ARHGAP29: variants seen among roughly 807,000 people sequenced by gnomAD.
The protein encoded by ARHGAP29 is rho GTPase-activating protein 29.
ARHGAP29 carries 43 observed loss-of-function variants against 122.6 expected under a neutral mutation model. The ratio of observed to expected loss-of-function variants is 0.35; its 90% CI spans 0.27 to 0.45. ARHGAP29 has a LOEUF of 0.45. ARHGAP29 is among the 20% of genes least tolerant of loss of function. The pLI is 1.00. For missense variants in ARHGAP29, 1,303 were observed against 1,477.2 expected (o/e 0.88, Z 1.93); for synonymous variants, 506 against 497.1 (o/e 1.02, Z -0.24).
At chr1:94,276,757 G>A (rs1229683945), upstream of ARHGAP29, among the ~76,000 whole-genome samples, 6 of 139,014 alleles carry the variant, frequency 4.3e-5, no homozygotes, top group East Asian at 1.3e-3. Flanking sequence ...CTCCAGCCTG[G>A]GTGACAGAGT....
the ARHGAP29 span, among the ~76,000 whole-genome samples, chr1:94,312,585 C>G: frequency 0.024 from 3,619 of 151,988 alleles, 168 homozygotes; most frequent in African/African-American, 0.084. Flanking sequence ...GTGTGTGCCA[C>G]CACACCCAGC....
chr1:94,202,796 C>A lies in ARHGAP29; in HGVS notation c.955-64G>T. 1.9e-6 allele frequency: 3 copies of A among 1,565,540 alleles called. No individual in the cohort carries two copies. The South Asian group carries it at 3.6e-5, about 19-fold the overall frequency. On this transcript the variant is annotated intron_variant, in intron 10 of 22. Coordinates refer to ENST00000260526, the MANE Select transcript of ARHGAP29 (RefSeq NM_004815.4). ...AATCCTACTGAACAAGTGTCTTTAG[C>A]ATATTCAGCAAGATAGTTAAGACAA...
chr1:94,287,971 A>C, the ARHGAP29 span, among the ~76,000 whole-genome samples: 2 of 152,204 alleles, frequency 1.3e-5, no homozygotes, highest in Non-Finnish European at 2.9e-5. Context: ...ATGCGTGTAC[A>C]TGTGCCTTTA....
In ARHGAP29 at chr1:94,188,926, C is replaced by T. The variant is rs140415139; in HGVS notation, c.1592G>A (p.Arg531Lys). Reference sequence around the variant, plus strand: ...ACTAAACATCCCAAATGTCCATGATCTTATAAAGGAAGGACCTTTAATAAA... The same window carrying T: ...ACTAAACATCCCAAATGTCCATGATTTTATAAAGGAAGGACCTTTAATAAA... Reference protein sequence around the residue: ...SADITGPSFIRSWTFGMFSDS... With the variant: ...SADITGPSFIKSWTFGMFSDS... Residue 531 changes from arginine to lysine, a missense_variant, in exon 15 of 23, where the codon AGA (arginine) becomes AAA (lysine). Arg to Lys is a conservative substitution (Grantham distance 26, BLOSUM62 2). Transcript: ENST00000260526. 5.2e-5 allele frequency: 84 copies of T among 1,612,748 alleles called. No homozygotes were observed. The highest frequency in any genetic ancestry group is 6.9e-5 in the Non-Finnish European group (81 of 1,179,152).
intron 12 of ARHGAP29, chr1:94,190,853 T>G (rs908322380): frequency 3.3e-5 from 5 of 152,172 alleles, no homozygotes; most frequent in African/African-American, 1.2e-4. Flanking sequence ...TTTCTGGTAC[T>G]GAAAAATGCT....
intron 2 of ARHGAP29, among the ~76,000 whole-genome samples, chr1:94,222,645 C>T (rs1570566856): frequency 6.6e-6 from 1 of 151,966 alleles, no homozygotes; most frequent in African/African-American, 2.4e-5. Flanking sequence ...AAATGTAATA[C>T]GATAGGATCC....
chr1:94,312,280 G>T, the ARHGAP29 span, among the ~76,000 whole-genome samples: 1 of 151,074 alleles, frequency 6.6e-6, no homozygotes, highest in Non-Finnish European at 1.5e-5. Context: ...ACCAGCTCTT[G>T]GTTCTCATTT....
chr1:94,221,839 A>C (rs1019925193), intron 2 of ARHGAP29, among the ~76,000 whole-genome samples: 2 of 151,860 alleles, frequency 1.3e-5, no homozygotes, highest in Non-Finnish European at 2.9e-5. Context: ...TAGTATCTAG[A>C]TCTTGGTTTC....
At chr1:94,295,842 A>G in the ARHGAP29 span, among the ~76,000 whole-genome samples, 4 of 146,060 alleles carry the variant, frequency 2.7e-5, no homozygotes, top group South Asian at 6.7e-4. Context: ...TGCAGTTACA[A>G]TATAGAGAAC....
At chr1:94,313,569 T>TA in the ARHGAP29 span, among the ~76,000 whole-genome samples, 1 of 152,162 alleles carries the variant, frequency 6.6e-6, no homozygotes, top group Non-Finnish European at 1.5e-5. Flanking sequence ...TGGAAGACAG[T>TA]GTGGTACAAG....
chr1:94,233,234 T>C (rs1653033857), intron 1 of ARHGAP29, among the ~76,000 whole-genome samples: 1 of 152,170 alleles, frequency 6.6e-6, no homozygotes, highest in Non-Finnish European at 1.5e-5. Context: ...ATTACAAGCA[T>C]GAGCCACCAT....
chr1:94,214,982 T>G (rs913095838), intron 3 of ARHGAP29, among the ~76,000 whole-genome samples: 3 of 152,076 alleles, frequency 2.0e-5, no homozygotes, highest in African/African-American at 7.2e-5. Context: ...GATTTTTCTT[T>G]TCTATTCTCT....
chr1:94,208,156 G>A (rs1453278308), intron 5 of ARHGAP29, among the ~76,000 whole-genome samples: 1 of 151,944 alleles, frequency 6.6e-6, no homozygotes, highest in Non-Finnish European at 1.5e-5. Context: ...GTAGGAACAG[G>A]GTCTCAATCA....
chr1:94,187,264 GA>G (rs2101415914), intron 15 of ARHGAP29, among the ~76,000 whole-genome samples: 1 of 152,312 alleles, frequency 6.6e-6, no homozygotes, highest in African/African-American at 2.4e-5. Context: ...CTAAGTGGAA[GA>G]ATTCACCTTA....
upstream of ARHGAP29, among the ~76,000 whole-genome samples, chr1:94,276,275 T>G (rs554759849): frequency 5.3e-5 from 8 of 151,898 alleles, no homozygotes; most frequent in Non-Finnish European, 1.0e-4. Flanking sequence ...AAAAAAGTTT[T>G]GGAAGCCATC....
chr1:94,196,017 A>G (rs950197697), intron 12 of ARHGAP29: 3 of 152,182 alleles, frequency 2.0e-5, no homozygotes, highest in African/African-American at 7.2e-5. Flanking sequence ...AGAACTAAAA[A>G]CACACAATAT....
intron 3 of ARHGAP29, among the ~76,000 whole-genome samples, chr1:94,212,451 T>C (rs943780094): frequency 3.9e-5 from 6 of 152,184 alleles, no homozygotes; most frequent in Admixed American, 6.5e-5. Context: ...TAAAAATACA[T>C]TGTAGACTTT....
chr1:94,306,417 T>C, the ARHGAP29 span, among the ~76,000 whole-genome samples: 2 of 152,244 alleles, frequency 1.3e-5, no homozygotes, highest in Non-Finnish European at 2.9e-5. Flanking sequence ...TTTACTTGCC[T>C]AAGTAAGGGA....
chr1:94,183,948 T>C (rs562251422), intron 19 of ARHGAP29, among the ~76,000 whole-genome samples: 94 of 152,162 alleles, frequency 6.2e-4, no homozygotes, highest in Non-Finnish European at 5.6e-4. Flanking sequence ...TTAAGGTGGG[T>C]GATGGGAGAT....
Sources: gnomAD v4.1 joint callset for allele counts (sites outside exome capture counted in the v4.1 genomes callset) on GRCh38, gnomAD v4.1.1 for gene constraint, MANE v1.5 for transcripts, NCBI Gene and HGNC (gene_info 2026-07-23, HGNC 2026-07-21) for gene names.